KCNQ5: variants seen among roughly 807,000 people sequenced by gnomAD.
KCNQ5 encodes the protein potassium voltage-gated channel subfamily Q member 5.
A neutral mutation model predicts 98.2 loss-of-function variants in KCNQ5; 30 were observed. The ratio of observed to expected loss-of-function variants is 0.31; its 90% confidence interval spans 0.23 to 0.41. The LOEUF (loss-of-function observed/expected upper bound fraction) is 0.41. KCNQ5 is among the 10% of genes least tolerant of loss of function. The pLI is 1.00. For synonymous variants in KCNQ5, 458 were observed against 449.4 expected (o/e 1.02, Z -0.24); for missense variants, 835 against 1,182.5 (o/e 0.71, Z 4.31).
chr6:72,685,938 T>C (rs1358473968), intron 1 of KCNQ5, among the ~76,000 whole-genome samples: 1 of 152,204 alleles, frequency 6.6e-6, no homozygotes, highest in African/African-American at 2.4e-5. Context: ...CAATTCTTAG[T>C]GAGGGTCCTC....
intron 1 of KCNQ5, chr6:72,986,737 TG>T: frequency 4.1e-6 from 6 of 1,465,084 alleles, no homozygotes; most frequent in Non-Finnish European, 5.7e-6. Flanking sequence ...CCCATGCCTC[TG>T]GGGTGAAAAC....
intron 1 of KCNQ5, among the ~76,000 whole-genome samples, chr6:72,699,734 T>C (rs1276624745): frequency 6.6e-6 from 1 of 152,234 alleles, no homozygotes; most frequent in Non-Finnish European, 1.5e-5. Context: ...TAGTTCATGT[T>C]GGGATGAAAC....
intron 6 of KCNQ5, among the ~76,000 whole-genome samples, chr6:73,109,748 G>A (rs1051640978): frequency 3.3e-5 from 5 of 152,140 alleles, no homozygotes; most frequent in Non-Finnish European, 5.9e-5. Flanking sequence ...CTTAGACAGC[G>A]TAAGACAGTC....
At chr6:72,745,782 G>A (rs1771366636) in intron 1 of KCNQ5, among the ~76,000 whole-genome samples, 1 of 152,122 alleles carries the variant, frequency 6.6e-6, no homozygotes, top group Non-Finnish European at 1.5e-5. Flanking sequence ...TTGAAGTCAA[G>A]GTGTGTCTGA....
chr6:73,171,754 A>G (rs1454862534), intron 11 of KCNQ5, among the ~76,000 whole-genome samples: 1 of 152,162 alleles, frequency 6.6e-6, no homozygotes, highest in African/African-American at 2.4e-5. Flanking sequence ...TCACATGTTG[A>G]GTATATCCAT....
At chr6:72,624,256 A>C (rs1424434195) in intron 1 of KCNQ5, among the ~76,000 whole-genome samples, 1 of 152,240 alleles carries the variant, frequency 6.6e-6, no homozygotes, top group Non-Finnish European at 1.5e-5. Context: ...TTACTTAATA[A>C]GCCTGGTAAA....
intron 1 of KCNQ5, among the ~76,000 whole-genome samples, chr6:72,844,877 C>T (rs2150136674): frequency 6.6e-6 from 1 of 152,294 alleles, no homozygotes; most frequent in East Asian, 1.9e-4. Context: ...ATTAAGGAAA[C>T]AAGTTTCCTT....
intron 11 of KCNQ5, among the ~76,000 whole-genome samples, chr6:73,181,639 G>A (rs1039657384): frequency 1.3e-5 from 2 of 152,214 alleles, no homozygotes; most frequent in African/African-American, 4.8e-5. Context: ...CTATGTGCCA[G>A]GCACATGTGA....
At position 72,787,777 on chromosome 6, in the gene KCNQ5, A is replaced by G. The variant is rs986874868; in HGVS notation, c.398+165190A>G. ...ACCTCTGTGACCTTGATGTTCCTAC[A>G]TTTCCAAACTTAATCAGCTCCTCTA... is the stretch of plus-strand genomic sequence containing the variant. On this transcript the variant is annotated intron_variant, in intron 1 of 13. Coordinates refer to ENST00000370398, the MANE Select transcript of KCNQ5 (RefSeq NM_019842.4). Among the ~76,000 whole-genome samples, 37 of 152,286 alleles carry G rather than the reference A, an allele frequency of 2.4e-4. No individual in the cohort carries two copies. The South Asian group carries it at 6.6e-3, about 27-fold the overall frequency.
intron 10 of KCNQ5, among the ~76,000 whole-genome samples, chr6:73,154,480 C>T (rs13207257): frequency 0.074 from 11,227 of 152,028 alleles, 414 homozygotes; most frequent in Non-Finnish European, 0.078. Flanking sequence ...TTACATTGTT[C>T]CTGAAGAGAA....
At chr6:73,022,123 A>T (rs1468902146) in intron 2 of KCNQ5, among the ~76,000 whole-genome samples, 1 of 152,176 alleles carries the variant, frequency 6.6e-6, no homozygotes, top group Non-Finnish European at 1.5e-5. Context: ...GTTATTCAAC[A>T]CTAACATATT....
At chr6:73,076,376 A>G (rs940422134) in intron 3 of KCNQ5, among the ~76,000 whole-genome samples, 1 of 152,210 alleles carries the variant, frequency 6.6e-6, no homozygotes, top group African/African-American at 2.4e-5. Flanking sequence ...AGGATGTTAA[A>G]GTCAAGCTAA....
At chr6:72,806,540 A>T (rs1208263121) in intron 1 of KCNQ5, among the ~76,000 whole-genome samples, 1 of 152,222 alleles carries the variant, frequency 6.6e-6, no homozygotes, top group Non-Finnish European at 1.5e-5. Context: ...GAGACAAAAA[A>T]TAGCAACAGA....
intron 1 of KCNQ5, among the ~76,000 whole-genome samples, chr6:72,665,021 G>A (rs771844216): frequency 4.6e-5 from 7 of 152,086 alleles, no homozygotes; most frequent in Admixed American, 6.6e-5. Flanking sequence ...TTGCGTAAAA[G>A]CATTGTTTTT....
intron 2 of KCNQ5, among the ~76,000 whole-genome samples, chr6:73,015,238 T>G (rs1345986152): frequency 6.6e-6 from 1 of 152,092 alleles, no homozygotes; most frequent in African/African-American, 2.4e-5. Flanking sequence ...CATTGAAAAC[T>G]GCAGTTATTT....
chr6:72,772,726 G>A (rs965410625), intron 1 of KCNQ5, among the ~76,000 whole-genome samples: 1 of 152,150 alleles, frequency 6.6e-6, no homozygotes, highest in African/African-American at 2.4e-5. Flanking sequence ...ATTGTTGCTT[G>A]TTGGATAAGA....
intron 1 of KCNQ5, among the ~76,000 whole-genome samples, chr6:72,888,717 C>A (rs926200571): frequency 3.3e-5 from 5 of 151,938 alleles, no homozygotes; most frequent in Admixed American, 2.0e-4. Context: ...ATTTCCAGTT[C>A]CACTAAGTGT....
At chr6:72,699,696 A>G (rs943280339) in intron 1 of KCNQ5, among the ~76,000 whole-genome samples, 2 of 152,212 alleles carry the variant, frequency 1.3e-5, no homozygotes, top group African/African-American at 2.4e-5. Flanking sequence ...CTTTAACAAC[A>G]TAAATTTTTG....
chr6:72,709,622 A>C (rs1315514723), intron 1 of KCNQ5, among the ~76,000 whole-genome samples: 1 of 152,208 alleles, frequency 6.6e-6, no homozygotes, highest in African/African-American at 2.4e-5. Flanking sequence ...ATAAACTTTC[A>C]CTACTTTTGC....
Sources: gnomAD v4.1 joint callset for allele counts (sites outside exome capture counted in the v4.1 genomes callset) on GRCh38, gnomAD v4.1.1 for gene constraint, MANE v1.5 for transcripts, NCBI Gene and HGNC (gene_info 2026-07-23, HGNC 2026-07-21) for gene names.